Variants in UNC80 observed in about 807,000 individuals in gnomAD.
UNC80 encodes unc-80 subunit of NALCN channel complex.
A neutral mutation model predicts 384.6 loss-of-function variants in UNC80; 164 were observed. That is an observed-to-expected ratio of 0.43 (90% CI 0.38 to 0.49). The LOEUF (loss-of-function observed/expected upper bound fraction) is 0.49. Ranked by LOEUF, UNC80 falls within the 20% of genes least tolerant of loss-of-function variation. UNC80 has a pLI of 0.00. For synonymous variants in UNC80, 1,486 were observed against 1,527.8 expected (o/e 0.97, Z 0.64); for missense variants, 3,330 against 4,143.0 (o/e 0.80, Z 5.39).
chr2:209,970,010 A>G lies in UNC80; in HGVS notation c.8130+119A>G, dbSNP rs2092837137. On this transcript the variant is annotated intron_variant, in intron 53 of 64. Coordinates refer to ENST00000673920, the MANE Select transcript of UNC80 (RefSeq NM_001371986.1). ...TGCCCCTATCTGCCCATGAAAACAG[A>G]CGGCTCAGGTGACACTGAAAATAGT... The G allele has an allele frequency of 2.3e-5, 30 of 1,306,386 alleles. 1 individual carries two copies. The South Asian group carries it at 4.3e-4, about 19-fold the overall frequency. The allele number at this position is 1,306,386 out of a possible 1,614,324, so 80.9% of individuals were successfully genotyped here.
intron 16 of UNC80, among the ~76,000 whole-genome samples, chr2:209,831,879 A>T (rs116198806): frequency 0.013 from 2,001 of 152,314 alleles, 45 homozygotes; most frequent in African/African-American, 0.045. Flanking sequence ...AGCCCTTCAG[A>T]AAGTTTCTAG....
intron 21 of UNC80, among the ~76,000 whole-genome samples, chr2:209,847,219 A>AC (rs1043292116): frequency 1.3e-5 from 2 of 151,944 alleles, no homozygotes; most frequent in Non-Finnish European, 2.9e-5. Context: ...TCACCAACAG[A>AC]CCCATACACC....
At chr2:209,983,414 T>G (rs942433546) in intron 60 of UNC80, among the ~76,000 whole-genome samples, 1 of 152,190 alleles carries the variant, frequency 6.6e-6, no homozygotes, top group Admixed American at 6.5e-5. Flanking sequence ...AGATTAATAC[T>G]ATATAAAGGT....
chr2:209,809,573 C>G (rs1182339591), intron 7 of UNC80: 1 of 829,380 alleles, frequency 1.2e-6, no homozygotes, highest in African/African-American at 1.7e-5. Context: ...TCAGGGGGCC[C>G]TCGCTGACCC....
intron 34 of UNC80, among the ~76,000 whole-genome samples, chr2:209,921,934 A>G (rs2090067354): frequency 6.6e-6 from 1 of 152,224 alleles, no homozygotes; most frequent in Non-Finnish European, 1.5e-5. Flanking sequence ...TATGTGTATT[A>G]AAGTAAATGC....
At position 209,809,540 on chromosome 2, in the gene UNC80, A is replaced by T. The variant is rs2079180899; in HGVS notation, c.939-4040A>T. On this transcript the variant is annotated intron_variant, in intron 7 of 64. Transcript: ENST00000673920. The stretch of plus-strand genomic sequence containing the variant: ...ACCTTCTCCCGAATGGCCCTGCTCC[A>T]CAAGCACCAAGAGTCGGGCTGCTCA... 6 of 993,444 alleles carry T rather than the reference A, an allele frequency of 6.0e-6. No individual in the cohort carries two copies. In the South Asian group the frequency reaches 8.2e-5, roughly 14 times the overall value. 61.5% of individuals were successfully genotyped at this position (993,444 alleles called of 1,614,324 possible). A position where few individuals can be genotyped will look rare whatever the true frequency, so the allele number is the denominator to read the frequency against.
chr2:209,940,727 G>A (rs112488611), intron 43 of UNC80, among the ~76,000 whole-genome samples: 4 of 152,256 alleles, frequency 2.6e-5, no homozygotes, highest in African/African-American at 9.6e-5. Flanking sequence ...TGAAGCATGA[G>A]AATCACATGA....
chr2:209,966,337 A>T (rs1384372745), intron 51 of UNC80, among the ~76,000 whole-genome samples: 1 of 152,240 alleles, frequency 6.6e-6, no homozygotes, highest in East Asian at 1.9e-4. Context: ...ATCAAGCTCG[A>T]ATCATACAGA....
chr2:209,976,110 G>A lies in UNC80; in HGVS notation c.8588-9G>A, dbSNP rs377093120. On this transcript the variant is annotated splice_polypyrimidine_tract_variant and intron_variant, in intron 56 of 64. Transcript: ENST00000673920. The surrounding 1 kb of genome is among the most constrained non-coding windows in gnomAD (Gnocchi z 4.3). ...CGCAGGCTCATTTTTCTCTTTTCCC[G>A]GTGTGAAGCGCTGAAGGTGATTCTC... 3 of 1,545,098 alleles carry A rather than the reference G, an allele frequency of 1.9e-6. No individual in the cohort carries two copies. The highest frequency in any genetic ancestry group is 1.4e-5 in the African/African-American group (1 of 72,542).
chr2:209,889,500 T>C (rs1201301614), intron 26 of UNC80, among the ~76,000 whole-genome samples: 1 of 152,186 alleles, frequency 6.6e-6, no homozygotes, highest in Non-Finnish European at 1.5e-5. Flanking sequence ...CTTTTTATTT[T>C]TATTTTTTAT....
At chr2:209,966,246 T>C in intron 51 of UNC80, among the ~76,000 whole-genome samples, 1 of 152,334 alleles carries the variant, frequency 6.6e-6, no homozygotes. Flanking sequence ...ATTTTCACTA[T>C]CTTGACAAAG....
intron 22 of UNC80, among the ~76,000 whole-genome samples, chr2:209,870,085 A>G (rs915466308): frequency 1.3e-5 from 2 of 152,186 alleles, no homozygotes; most frequent in African/African-American, 2.4e-5. Context: ...CTTAGAGGCA[A>G]TAAAATGATC....
intron 61 of UNC80, among the ~76,000 whole-genome samples, chr2:209,988,591 TCAGG>T (rs1375272878): frequency 1.1e-4 from 16 of 152,290 alleles, no homozygotes; most frequent in African/African-American, 3.1e-4. Context: ...CTCCATAGTA[TCAGG>T]TATATATTTC....
chr2:209,990,460 A>G (rs766753357), intron 61 of UNC80, among the ~76,000 whole-genome samples: 1 of 152,180 alleles, frequency 6.6e-6, no homozygotes, highest in African/African-American at 2.4e-5. Context: ...GGTAGTTGGT[A>G]AGTATTAACC....
chr2:209,774,745 C>T (rs889312393), intron 2 of UNC80, among the ~76,000 whole-genome samples: 2 of 152,158 alleles, frequency 1.3e-5, no homozygotes, highest in African/African-American at 4.8e-5. Flanking sequence ...ATATCACCAA[C>T]ATATCTAAAG....
At chr2:209,965,159 A>G (rs2092707717) in intron 51 of UNC80, among the ~76,000 whole-genome samples, 1 of 151,874 alleles carries the variant, frequency 6.6e-6, no homozygotes, top group African/African-American at 2.4e-5. Flanking sequence ...CTGTAGGCCA[A>G]GTACAGTGGC....
At chr2:209,785,271 G>A (rs1411212507) in intron 4 of UNC80, among the ~76,000 whole-genome samples, 1 of 152,162 alleles carries the variant, frequency 6.6e-6, no homozygotes, top group Non-Finnish European at 1.5e-5. Flanking sequence ...ATTGTTTTGA[G>A]AGACTGAAGT....
At chr2:209,942,468 A>G (rs953074137) in intron 44 of UNC80, among the ~76,000 whole-genome samples, 1 of 152,192 alleles carries the variant, frequency 6.6e-6, no homozygotes, top group Non-Finnish European at 1.5e-5. Context: ...TTTAGCAGGA[A>G]CAATTTTTAT....
chr2:209,947,332 A>G (rs1559376777), intron 47 of UNC80, among the ~76,000 whole-genome samples: 1 of 152,214 alleles, frequency 6.6e-6, no homozygotes, highest in Non-Finnish European at 1.5e-5. Flanking sequence ...AAATGCATAC[A>G]GATTCTCCAA....
Sources: allele counts gnomAD v4.1 joint callset (sites outside exome capture counted in the v4.1 genomes callset), GRCh38; gene constraint gnomAD v4.1.1; non-coding constraint Gnocchi (gnomAD v3.1); transcripts MANE v1.5; gene names NCBI Gene and HGNC (gene_info 2026-07-23, HGNC 2026-07-21).